MAG: variants seen among roughly 807,000 people sequenced by gnomAD.
MAG encodes the protein myelin associated glycoprotein.
Under a neutral mutation model 60.7 loss-of-function variants are expected in MAG, and 30 were observed. The observed-to-expected ratio is 0.49, with a 90% CI of 0.37 to 0.67. The LOEUF (loss-of-function observed/expected upper bound fraction) is 0.67, where lower values mean the gene tolerates loss of function less well. Ranked by LOEUF, MAG falls within the 30% of genes least tolerant of loss-of-function variation. The pLI, the probability that MAG is intolerant of heterozygous loss-of-function variation, is 0.00. For synonymous variants in MAG, 384 were observed against 376.8 expected (o/e 1.02, Z -0.22); for missense variants, 795 against 851.7 (o/e 0.93, Z 0.83).
At chr19:35,303,203 C>T (rs547090410) in intron 7 of MAG, among the ~76,000 whole-genome samples, 19 of 152,294 alleles carry the variant, frequency 1.2e-4, no homozygotes, top group South Asian at 4.1e-4. Context: ...GGATTACAGG[C>T]GTGAGCCACC....
At chr19:35,299,872 GC>G in intron 5 of MAG, 22 bp downstream of exon 5, 1 of 880,256 alleles carries the variant, frequency 1.1e-6, no homozygotes, top group Non-Finnish European at 1.6e-6. Flanking sequence ...TGCGGGCGGG[GC>G]GGGGTGGGGC....
At chr19:35,310,400 C>T (rs963207718) in intron 8 of MAG, 147 bp from the exon 9 acceptor site, 12 of 829,168 alleles carry the variant, frequency 1.4e-5, no homozygotes, top group East Asian at 5.3e-5. Flanking sequence ...TGCCCTGGCA[C>T]GAGGAGGCTC....
At chr19:35,308,031 C>T (rs2066497605) in intron 7 of MAG, among the ~76,000 whole-genome samples, 1 of 152,156 alleles carries the variant, frequency 6.6e-6, no homozygotes, top group Non-Finnish European at 1.5e-5. Flanking sequence ...TGGTTCCTCC[C>T]TTCTACGTGT....
rs746210996 is a variant in MAG, at chr19:35,313,296, A to G, written c.1723A>G (p.Arg575Gly). ...SGAPEKYESE[R>G]RLGSERRLLG... ...GGGCGGTTTCCCCTCTTAGAGCGAG[A>G]GGCGCCTGGGATCTGAGAGGAGGCT... Residue 575 changes from arginine to glycine, a missense_variant, in exon 11 of 11, where the codon AGG becomes GGG. Coordinates refer to ENST00000392213, the MANE Select transcript of MAG (RefSeq NM_002361.4). 6.2e-7 allele frequency: 1 copy of G among 1,613,156 alleles called. No individual in the cohort carries two copies. Among genetic ancestry groups the G allele is most frequent in the Non-Finnish European group, 8.5e-7 (1 of 1,179,604 alleles).
In MAG at chr19:35,298,779, C is replaced by T. The variant is rs561393729; in HGVS notation, c.416-775C>T. 4.3e-3 allele frequency among the ~76,000 whole-genome samples: 630 copies of T among 145,276 alleles called. 3 individuals carry two copies. The highest frequency in any genetic ancestry group is 8.2e-3 in the Middle Eastern group (2 of 244). On this transcript the variant is annotated intron_variant, in intron 4 of 10. Coordinates refer to ENST00000392213, the MANE Select transcript of MAG (RefSeq NM_002361.4). ...TACTACGCAAACCACATACCACACA[C>T]GACCCAAACTACACAACACCCCACA...
chr19:35,309,499 T>C (rs1425486428), intron 7 of MAG, among the ~76,000 whole-genome samples: 2 of 152,162 alleles, frequency 1.3e-5, no homozygotes, highest in East Asian at 3.9e-4. Flanking sequence ...TAACCTCTCG[T>C]ACTCCTGACC....
chr19:35,311,353 A>G (rs750258460), intron 9 of MAG, among the ~76,000 whole-genome samples: 1 of 152,134 alleles, frequency 6.6e-6, no homozygotes, highest in Non-Finnish European at 1.5e-5. Flanking sequence ...TGTCCCAGCT[A>G]CTCGGGAGGC....
chr19:35,303,439 G>A (rs2066463357), intron 7 of MAG, among the ~76,000 whole-genome samples: 1 of 152,202 alleles, frequency 6.6e-6, no homozygotes, highest in Non-Finnish European at 1.5e-5. Flanking sequence ...GAAGGAAACT[G>A]AGACCCAGAG....
intron 4 of MAG, among the ~76,000 whole-genome samples, chr19:35,296,862 A>C (rs931595721): frequency 2.0e-5 from 3 of 151,192 alleles, no homozygotes; most frequent in African/African-American, 7.3e-5. Flanking sequence ...CACACACCAC[A>C]CACTGCTCCT....
Position 35,293,668 on chromosome 19 carries a change from C to T in MAG, c.-79-567C>T, listed in dbSNP as rs1390962660. Among the ~76,000 whole-genome samples, 2 of 152,090 alleles carry T rather than the reference C, an allele frequency of 1.3e-5. No homozygotes were observed. The highest frequency in any genetic ancestry group is 1.5e-5 in the Non-Finnish European group (1 of 67,988). ...GGGCTCGCTAGCCCCCACCCTGGGC[C>T]TTCCTGGCCCTGCTCAAAGGCCAGC... On this transcript the variant is annotated intron_variant, in intron 1 of 10. Coordinates refer to ENST00000392213, the MANE Select transcript of MAG (RefSeq NM_002361.4). This position sits in a 1 kb window ranked among gnomAD's most constrained non-coding sequence, Gnocchi z 4.0.
intron 7 of MAG, among the ~76,000 whole-genome samples, chr19:35,304,931 AT>A (rs2066473318): frequency 6.6e-6 from 1 of 152,184 alleles, no homozygotes; most frequent in Non-Finnish European, 1.5e-5. Context: ...CAAGGGCGGA[AT>A]TCCCTGAGGC....
intron 7 of MAG, among the ~76,000 whole-genome samples, chr19:35,305,816 G>A (rs1452939055): frequency 2.0e-5 from 3 of 152,192 alleles, no homozygotes; most frequent in Admixed American, 6.5e-5. Context: ...TTAGCCAGGC[G>A]TGATGGCGCA....
chr19:35,302,022 A>C (rs532897153), intron 6 of MAG, among the ~76,000 whole-genome samples: 235 of 151,998 alleles, frequency 1.5e-3, no homozygotes, highest in Non-Finnish European at 1.8e-3. Context: ...TTCTCTACAC[A>C]CTTCTTCCCA....
At chr19:35,296,009 C>G in intron 4 of MAG, 28 bp downstream of exon 4, 13 of 1,531,678 alleles carry the variant, frequency 8.5e-6, no homozygotes, top group Non-Finnish European at 1.1e-5. Flanking sequence ...GTGCAGGCAC[C>G]GGGAGCTGGG....
intron 4 of MAG, among the ~76,000 whole-genome samples, chr19:35,297,577 A>G (rs1381185063): frequency 2.1e-5 from 3 of 146,250 alleles, no homozygotes; most frequent in Non-Finnish European, 3.0e-5. Context: ...CTACCCACGT[A>G]CCACACACAC....
In MAG at chr19:35,300,235, C is replaced by T; in HGVS notation, c.801C>T (p.Pro267=). 6.3e-7 allele frequency: 1 copy of T among 1,586,904 alleles called. No individual in the cohort carries two copies. Among genetic ancestry groups the T allele is most frequent in the South Asian group, 1.1e-5 (1 of 89,418 alleles). ...VSLLCGADSN[P]PPLLTWMRDG... ...TGCTCTGTGGGGCTGACAGCAACCC[C>T]CCGCCGCTGCTGACCTGGATGCGGG... Residue 267 remains proline (P), a synonymous_variant, in exon 6 of 11, where the codon CCC becomes CCT. Coordinates refer to ENST00000392213, the MANE Select transcript of MAG (RefSeq NM_002361.4).
chr19:35,296,233 T>A (rs779598406), intron 4 of MAG, among the ~76,000 whole-genome samples: 9 of 152,186 alleles, frequency 5.9e-5, no homozygotes, highest in Non-Finnish European at 8.8e-5. Context: ...TGGAAACACC[T>A]GGAGAAAGGC....
At position 35,293,083 on chromosome 19, in the gene MAG, T is replaced by C. The variant is rs1352791775; in HGVS notation, c.-80+879T>C. On this transcript the variant is annotated intron_variant, in intron 1 of 10. Coordinates refer to ENST00000392213, the MANE Select transcript of MAG (RefSeq NM_002361.4). This position sits in a 1 kb window ranked among gnomAD's most constrained non-coding sequence, Gnocchi z 4.0. ...CGCTGTTAAGAGTGCATGGTCTACC[T>C]GCTTGTTTCATGTCTGCCCGGGCAC... 1.3e-5 allele frequency among the ~76,000 whole-genome samples: 2 copies of C among 152,116 alleles called. No homozygotes were observed. The highest frequency in any genetic ancestry group is 2.9e-5 in the Non-Finnish European group (2 of 68,020).
At position 35,295,660 on chromosome 19, in the gene MAG, G is replaced by C; in HGVS notation, c.94G>C (p.Ala32Pro). The change falls in exon 4 of 11, where the codon GCC becomes CCC. Residue 32 changes from alanine to proline, a missense_variant. By Grantham distance (27) the Ala-to-Pro change is conservative (BLOSUM62 -1). Transcript: ENST00000392213. The surrounding 1 kb of genome is among the most constrained non-coding windows in gnomAD (Gnocchi z 5.8). ...TGCCTGGATGCCCTCGTCCATCTCGGCCTTCGAAGGCACGTGCGTCTCCAT... is the reference window on the plus strand; with the variant it reads ...TGCCTGGATGCCCTCGTCCATCTCGCCCTTCGAAGGCACGTGCGTCTCCAT... ...WGAWMPSSISAFEGTCVSIPC... is the reference protein window; with the variant it reads ...WGAWMPSSISPFEGTCVSIPC... The C allele has an allele frequency of 6.2e-7, 1 of 1,611,536 alleles. No individual in the cohort carries two copies. The highest frequency in any genetic ancestry group is 8.5e-7 in the Non-Finnish European group (1 of 1,179,808).
Sources: gnomAD v4.1 joint callset for allele counts (sites outside exome capture counted in the v4.1 genomes callset) on GRCh38, gnomAD v4.1.1 for gene constraint, Gnocchi (gnomAD v3.1) non-coding constraint, MANE v1.5 for transcripts, NCBI Gene and HGNC (gene_info 2026-07-23, HGNC 2026-07-21) for gene names.